PXDNL: variants seen among roughly 807,000 people sequenced by gnomAD.
PXDNL encodes probable oxidoreductase PXDNL.
In PXDNL, 145 loss-of-function variants were observed where a neutral mutation model predicts 150.8. That is an observed-to-expected ratio of 0.96 (90% CI 0.84 to 1.10). The LOEUF (loss-of-function observed/expected upper bound fraction) is 1.10, where lower values mean the gene tolerates loss of function less well. Ranked by LOEUF, PXDNL falls within the 50% of genes least tolerant of loss-of-function variation. The pLI, the probability that PXDNL is intolerant of heterozygous loss-of-function variation, is 0.00. For missense variants in PXDNL, 2,087 were observed against 1,873.9 expected (o/e 1.11, Z -2.10); for synonymous variants, 757 against 725.7 (o/e 1.04, Z -0.69).
At chr8:51,632,998 G>A (rs1048847656) in intron 2 of PXDNL, among the ~76,000 whole-genome samples, 5 of 152,098 alleles carry the variant, frequency 3.3e-5, no homozygotes, top group African/African-American at 9.7e-5. Flanking sequence ...CTGTCATACA[G>A]ATAGTGATCG....
At chr8:51,535,981 C>G (rs1812066972) in intron 4 of PXDNL, among the ~76,000 whole-genome samples, 1 of 152,164 alleles carries the variant, frequency 6.6e-6, no homozygotes, top group Admixed American at 6.5e-5. Context: ...AAAGCTGACC[C>G]CAGCCCTGGA....
chr8:51,366,257 G>A (rs1383135751), intron 19 of PXDNL, among the ~76,000 whole-genome samples: 2 of 152,206 alleles, frequency 1.3e-5, no homozygotes, highest in Non-Finnish European at 2.9e-5. Flanking sequence ...TGTGTCAGCT[G>A]AGCCTCATAA....
intron 17 of PXDNL, among the ~76,000 whole-genome samples, chr8:51,406,988 GC>G (rs1427821234): frequency 6.6e-6 from 1 of 152,214 alleles, no homozygotes; most frequent in African/African-American, 2.4e-5. Flanking sequence ...AGTATCTGAT[GC>G]ATTTTATGTA....
intron 1 of PXDNL, among the ~76,000 whole-genome samples, chr8:51,689,528 G>A (rs1387531282): frequency 6.6e-6 from 1 of 151,988 alleles, no homozygotes; most frequent in Non-Finnish European, 1.5e-5. Flanking sequence ...TTAGTCTTAT[G>A]GGTGATGCCC....
intron 17 of PXDNL, among the ~76,000 whole-genome samples, chr8:51,377,780 C>T (rs865821715): frequency 5.9e-5 from 9 of 152,330 alleles, no homozygotes; most frequent in Middle Eastern, 6.8e-3. Context: ...ACCTGCAGCC[C>T]GCCATGCCTG....
At chr8:51,608,030 A>AAAGAAAG (rs1813889036) in intron 2 of PXDNL, among the ~76,000 whole-genome samples, 1 of 115,038 alleles carries the variant, frequency 8.7e-6, no homozygotes, top group African/African-American at 3.9e-5. Flanking sequence ...AGAAAGAAAG[A>AAAGAAAG]AAGAAAGAAA....
At chr8:51,391,088 T>G (rs879549237) in intron 17 of PXDNL, among the ~76,000 whole-genome samples, 1 of 152,258 alleles carries the variant, frequency 6.6e-6, no homozygotes, top group Non-Finnish European at 1.5e-5. Flanking sequence ...TCATTTGTTA[T>G]GGCTGCATAG....
At chr8:51,509,215 T>G (rs943456884) in intron 4 of PXDNL, among the ~76,000 whole-genome samples, 1 of 152,200 alleles carries the variant, frequency 6.6e-6, no homozygotes, top group Non-Finnish European at 1.5e-5. Context: ...AATGTATACA[T>G]GTATCTAAGC....
At chr8:51,577,802 C>A (rs1263378547) in intron 3 of PXDNL, among the ~76,000 whole-genome samples, 1 of 150,240 alleles carries the variant, frequency 6.7e-6, no homozygotes, top group Non-Finnish European at 1.5e-5. Flanking sequence ...GAATCCTTCC[C>A]TCTAAGGTCA....
intron 21 of PXDNL, among the ~76,000 whole-genome samples, chr8:51,334,252 A>G (rs961959570): frequency 6.6e-6 from 1 of 152,198 alleles, no homozygotes. Context: ...GATGGAAATT[A>G]AAAAATTCTT....
chr8:51,760,143 C>T (rs1228844424), intron 1 of PXDNL, among the ~76,000 whole-genome samples: 2 of 152,180 alleles, frequency 1.3e-5, no homozygotes, highest in Admixed American at 6.5e-5. Context: ...AACTGATTGT[C>T]TGTCAAGACT....
At chr8:51,656,900 T>A (rs7827024) in intron 1 of PXDNL, among the ~76,000 whole-genome samples, 1 of 152,296 alleles carries the variant, frequency 6.6e-6, no homozygotes, top group Admixed American at 6.5e-5. Context: ...CACTCATGTA[T>A]TTGATGCTCC....
intron 1 of PXDNL, among the ~76,000 whole-genome samples, chr8:51,731,213 TG>T (rs1315236461): frequency 2.6e-5 from 4 of 152,118 alleles, no homozygotes; most frequent in Non-Finnish European, 4.4e-5. Flanking sequence ...CTAGATACAA[TG>T]GGGGTACAGG....
chr8:51,408,778 T>C lies in PXDNL; in HGVS notation c.2846A>G (p.Gln949Arg). 4 of 1,580,702 alleles carry C rather than the reference T, an allele frequency of 2.5e-6. No individual in the cohort carries two copies. Among genetic ancestry groups the C allele is most frequent in the Non-Finnish European group, 3.4e-6 (4 of 1,164,006 alleles). ...CCCGGCCAGGAAACAGGGGCTCTCC[T>C]GCTCCTGTCGCGCGCACTCGGTGGG... ...GPPTECARQE[Q>R]ESPCFLAGDH... Residue 949 changes from glutamine (Q) to arginine (R), a missense_variant, in exon 17 of 23, where the codon CAG (glutamine) becomes CGG (arginine). By Grantham distance (43) the Gln-to-Arg change is conservative. Transcript: ENST00000356297.
At chr8:51,672,041 T>G (rs4541902) in intron 1 of PXDNL, among the ~76,000 whole-genome samples, 128,029 of 152,128 alleles carry the variant, frequency 0.84, 54,175 homozygotes, top group African/African-American at 0.93. Context: ...GAGTGCAGTG[T>G]TGCCATCTCA....
intron 3 of PXDNL, among the ~76,000 whole-genome samples, chr8:51,586,057 C>T (rs968860307): frequency 6.6e-6 from 1 of 152,156 alleles, no homozygotes; most frequent in African/African-American, 2.4e-5. Context: ...ATTCATACCC[C>T]TTTGCAAGGT....
At chr8:51,737,467 G>A (rs1817060897) in intron 1 of PXDNL, among the ~76,000 whole-genome samples, 1 of 152,232 alleles carries the variant, frequency 6.6e-6, no homozygotes, top group South Asian at 2.1e-4. Context: ...AGGCATTAAT[G>A]TGCATTTCTT....
At chr8:51,402,084 G>C (rs1391839778) in intron 17 of PXDNL, among the ~76,000 whole-genome samples, 2 of 152,172 alleles carry the variant, frequency 1.3e-5, no homozygotes, top group East Asian at 3.9e-4. Context: ...CATGCGGTTT[G>C]ATCTCCTGAA....
At chr8:51,379,999 T>C (rs1210745609) in intron 17 of PXDNL, among the ~76,000 whole-genome samples, 1 of 152,172 alleles carries the variant, frequency 6.6e-6, no homozygotes, top group East Asian at 1.9e-4. Flanking sequence ...TTCTATTCTA[T>C]TGTCTTAATT....
Sources: allele counts gnomAD v4.1 joint callset (sites outside exome capture counted in the v4.1 genomes callset), GRCh38; gene constraint gnomAD v4.1.1; transcripts MANE v1.5; gene names NCBI Gene and HGNC (gene_info 2026-07-23, HGNC 2026-07-21).